ZFP90: variants seen among roughly 807,000 people sequenced by gnomAD.
ZFP90 encodes the protein zinc finger protein 90 homolog.
In ZFP90, 38 loss-of-function variants were observed where a neutral mutation model predicts 60.8. The ratio of observed to expected loss-of-function variants is 0.62; its 90% CI spans 0.48 to 0.82. The LOEUF (loss-of-function observed/expected upper bound fraction) is 0.82, where lower values mean the gene tolerates loss of function less well. ZFP90 is among the 40% of genes least tolerant of loss of function. The pLI, the probability that ZFP90 is intolerant of heterozygous loss-of-function variation, is 0.00. For synonymous variants in ZFP90, 287 were observed against 264.8 expected, an observed-to-expected ratio of 1.08 and a Z score of -0.82; for missense variants, 711 against 759.1, an observed-to-expected ratio of 0.94 and a Z score of 0.74.
In ZFP90 at chr16:68,564,672, A is replaced by G. The variant is rs1017062347; in HGVS notation, c.1885A>G (p.Arg629Gly). The G allele has an allele frequency of 6.2e-7, 1 of 1,610,504 alleles. No individual in the cohort carries two copies. Residue 629 changes from arginine (R) to glycine (G), a missense_variant, in exon 5 of 5, where the codon AGA becomes GGA. This residue lies in a region of ZFP90 where 295 missense variants were observed against 274.0 expected (regional missense o/e 1.08). Transcript: ENST00000563169. ...SRSSALTKHQ[R>G]IHTRNKL ...AAGTTCAGCTCTTACTAAACACCAG[A>G]GAATTCATACTCGAAATAAACTCTA...
rs2091534147 is a variant in ZFP90 at position 68,566,735 on chromosome 16, C to T, written c.*2037C>T. The stretch of plus-strand genomic sequence containing the variant: ...GGTAATTCTACTCAGACCCTCCCTA[C>T]TGATTGGCTAGGATGCCTGTCAGGA... On this transcript the variant is annotated 3_prime_UTR_variant, in exon 5 of 5. Coordinates refer to ENST00000563169, the MANE Select transcript of ZFP90 (RefSeq NM_001305203.2). 1.0e-6 allele frequency: 1 copy of T among 985,474 alleles called. No homozygotes were observed. The highest frequency in any genetic ancestry group is 1.7e-5 in the African/African-American group (1 of 57,246). 61.0% of individuals were successfully genotyped at this position (985,474 alleles called of 1,614,324 possible). A position where few individuals can be genotyped will look rare whatever the true frequency, so the allele number is the denominator to read the frequency against.
downstream of ZFP90, among the ~76,000 whole-genome samples, chr16:68,570,204 T>A (rs535393653): frequency 6.6e-6 from 1 of 152,310 alleles, no homozygotes; most frequent in East Asian, 1.9e-4. Flanking sequence ...CAATCAGGTC[T>A]TTGTGTCTGC....
intron 2 of ZFP90, among the ~76,000 whole-genome samples, chr16:68,556,386 C>T (rs200450633): frequency 1.2e-3 from 177 of 152,278 alleles, no homozygotes; most frequent in Non-Finnish European, 2.0e-3. Flanking sequence ...AGTGAAAGAC[C>T]TTTGACCTAG....
intron 2 of ZFP90, among the ~76,000 whole-genome samples, chr16:68,549,075 G>T (rs1263588610): frequency 6.6e-6 from 1 of 152,152 alleles, no homozygotes; most frequent in East Asian, 1.9e-4. Flanking sequence ...CTCTATGCCA[G>T]GCAGTGGTTC....
intron 2 of ZFP90, among the ~76,000 whole-genome samples, chr16:68,548,800 A>G (rs1453255343): frequency 3.3e-5 from 5 of 151,838 alleles, no homozygotes; most frequent in Admixed American, 6.6e-5. Context: ...TTATCCTCCT[A>G]TCTTTAAGTT....
Position 68,565,441 on chromosome 16 carries a change from T to C in ZFP90, c.*743T>C, listed in dbSNP as rs1040175996. 1.0e-6 allele frequency: 1 copy of C among 985,490 alleles called. No individual in the cohort carries two copies. The highest frequency in any genetic ancestry group is 1.7e-5 in the African/African-American group (1 of 57,248). 61.0% of individuals were successfully genotyped at this position (985,490 alleles called of 1,614,324 possible). On this transcript the variant is annotated 3_prime_UTR_variant, in exon 5 of 5. Coordinates refer to ENST00000563169, the MANE Select transcript of ZFP90 (RefSeq NM_001305203.2). ...CTTAAAAGTATAAGTGGGAGCAAAA[T>C]GTATGCAAATTTATCACAAACTATT...
chr16:68,564,656 T>A lies in ZFP90; in HGVS notation c.1869T>A (p.Ala623=). ...ECGKNFSRSS[A]LTKHQRIHTR... ...GGAAAAACTTCAGCCGAAGTTCAGC[T>A]CTTACTAAACACCAGAGAATTCATA... The change falls in exon 5 of 5, where the codon GCT becomes GCA. Residue 623 remains alanine, a synonymous_variant. Transcript: ENST00000563169. 1 of 1,613,528 alleles carries A rather than the reference T, an allele frequency of 6.2e-7. No homozygotes were observed. Among genetic ancestry groups the A allele is most frequent in the Non-Finnish European group, 8.5e-7 (1 of 1,179,850 alleles).
At chr16:68,541,432 T>C (rs1322858546) in intron 2 of ZFP90, among the ~76,000 whole-genome samples, 2 of 151,396 alleles carry the variant, frequency 1.3e-5, no homozygotes, top group Non-Finnish European at 2.9e-5. Context: ...TCCCAAAGTG[T>C]TGGGATTACA....
chr16:68,541,444 G>A (rs945949732), intron 2 of ZFP90, among the ~76,000 whole-genome samples: 2 of 151,480 alleles, frequency 1.3e-5, no homozygotes, highest in African/African-American at 4.9e-5. Context: ...GGGATTACAG[G>A]TGTGAGCCAC....
At position 68,539,809 on chromosome 16, in the gene ZFP90, C is replaced by T. The variant is rs369110471; in HGVS notation, c.17C>T (p.Pro6Leu). The T allele has an allele frequency of 1.9e-6, 3 of 1,604,646 alleles. No individual in the cohort carries two copies. The highest frequency in any genetic ancestry group is 2.2e-5 in the East Asian group (1 of 44,638). Residue 6 changes from proline (P) to leucine (L), a missense_variant, in exon 2 of 5, where the codon CCG becomes CTG. Transcript: ENST00000563169. ...GAGGCAGGAATGGCCCCGAGGCCTC[C>T]GACCGCCGCGCCCCAGGTGAGCAAC... MAPRP[P>L]TAAPQESVTF... is the part of the protein sequence containing the mutation.
intron 2 of ZFP90, among the ~76,000 whole-genome samples, chr16:68,546,142 T>A (rs1468956411): frequency 6.6e-6 from 1 of 152,218 alleles, no homozygotes; most frequent in Non-Finnish European, 1.5e-5. Flanking sequence ...ACCATTGCAC[T>A]CCAGCCTGGG....
chr16:68,563,540 G>A lies in ZFP90; in HGVS notation c.753G>A (p.Lys251=). 6.2e-7 allele frequency: 1 copy of A among 1,614,188 alleles called. No homozygotes were observed. The change falls in exon 5 of 5, where the codon AAG becomes AAA. Residue 251 remains lysine, a synonymous_variant. Transcript: ENST00000563169. ...CAGATCAAGGAATTTATCCTGGAAAGAAACACCATGAATGTACCGACTGTG... is the reference window on the plus strand; with the variant it reads ...CAGATCAAGGAATTTATCCTGGAAAAAAACACCATGAATGTACCGACTGTG... ...NGTDQGIYPG[K]KHHECTDCGK...
rs2091525887 is a variant in ZFP90 at position 68,566,316 on chromosome 16, C to T, written c.*1618C>T. ...CACAACTGGACATTGATTCCTTTTA[C>T]ACAAGAGCTGCCTCCCAAAGATAGA... is the stretch of plus-strand genomic sequence containing the variant. On this transcript the variant is annotated 3_prime_UTR_variant, in exon 5 of 5. Transcript: ENST00000563169. The T allele has an allele frequency of 1.0e-6, 1 of 985,480 alleles. No homozygotes were observed. Among genetic ancestry groups the T allele is most frequent in the Non-Finnish European group, 1.2e-6 (1 of 829,926 alleles). The allele number at this position is 985,480 out of a possible 1,614,324, so 61.0% of individuals were successfully genotyped here.
chr16:68,576,037 A>AT (rs2091592674), exon 3 of ZFP90: 1 of 241,320 alleles, frequency 4.1e-6, no homozygotes, highest in Non-Finnish European at 7.0e-6. Context: ...GGAAACATTT[A>AT]TTTAAAAAAA....
rs2091525668 is a variant in ZFP90 at position 68,566,294 on chromosome 16, A to G, written c.*1596A>G. On this transcript the variant is annotated 3_prime_UTR_variant, in exon 5 of 5. Coordinates refer to ENST00000563169, the MANE Select transcript of ZFP90 (RefSeq NM_001305203.2). ...TGACCATGCAGACCAATTTGGGCAC[A>G]ACTGGACATTGATTCCTTTTACACA... 2.0e-6 allele frequency: 2 copies of G among 985,560 alleles called. No individual in the cohort carries two copies. Among genetic ancestry groups the G allele is most frequent in the South Asian group, 4.7e-5 (1 of 21,288 alleles). 61.1% of individuals were successfully genotyped at this position (985,560 alleles called of 1,614,324 possible).
intron 4 of ZFP90, among the ~76,000 whole-genome samples, chr16:68,560,766 A>C (rs181675489): frequency 6.6e-6 from 1 of 151,714 alleles, no homozygotes; most frequent in Admixed American, 6.6e-5. Flanking sequence ...CTAAACTGCT[A>C]TTGGCCAGCC....
chr16:68,553,013 C>CT (rs1235608169), intron 2 of ZFP90, among the ~76,000 whole-genome samples: 6 of 152,166 alleles, frequency 3.9e-5, no homozygotes, highest in Non-Finnish European at 8.8e-5. Context: ...GATTGCACCA[C>CT]TGCACTCCAG....
At chr16:68,539,933 G>T in intron 2 of ZFP90, 108 bp downstream of exon 2, 1 of 1,456,072 alleles carries the variant, frequency 6.9e-7, no homozygotes, top group Non-Finnish European at 9.2e-7. Flanking sequence ...TCCCTTACTT[G>T]CTTGGCTCGA....
intron 2 of ZFP90, among the ~76,000 whole-genome samples, chr16:68,545,980 A>G (rs1339775407): frequency 2.0e-5 from 3 of 152,018 alleles, no homozygotes; most frequent in African/African-American, 7.2e-5. Context: ...TTCGAAACCA[A>G]CCTGGGCCAC....
Sources: allele counts gnomAD v4.1 joint callset (sites outside exome capture counted in the v4.1 genomes callset), GRCh38; gene constraint gnomAD v4.1.1; regional missense constraint gnomAD v4.1.1; transcripts MANE v1.5; gene names NCBI Gene and HGNC (gene_info 2026-07-23, HGNC 2026-07-21).